Variants in MIA2 observed in about 807,000 individuals in gnomAD.
The protein encoded by MIA2 is MIA SH3 domain ER export factor 2.
Under a neutral mutation model 167.8 loss-of-function variants are expected in MIA2, and 127 were observed. The ratio of observed to expected loss-of-function variants is 0.76; its 90% CI spans 0.66 to 0.88. The LOEUF is 0.88. Ranked by LOEUF, MIA2 falls within the 40% of genes least tolerant of loss-of-function variation. MIA2 has a pLI of 0.00. For missense variants in MIA2, 1,690 were observed against 1,624.7 expected, an observed-to-expected ratio of 1.04 and a Z score of -0.69; for synonymous variants, 552 against 541.9, an observed-to-expected ratio of 1.02 and a Z score of -0.26.
chr14:39,334,846 G>A (rs183656842), intron 25 of MIA2, among the ~76,000 whole-genome samples: 179 of 152,292 alleles, frequency 1.2e-3, no homozygotes, highest in Middle Eastern at 6.8e-3. Flanking sequence ...GTGATTACAG[G>A]TGTGAGCCAC....
intron 19 of MIA2, 23 bp downstream of exon 19, chr14:39,313,464 T>C (rs1449103306): frequency 7.2e-7 from 1 of 1,397,422 alleles, no homozygotes; most frequent in Non-Finnish European, 9.7e-7. Context: ...TTTTTCTGGT[T>C]TCTTTTTTGG....
chr14:39,301,441 T>C (rs1456846687), intron 14 of MIA2, among the ~76,000 whole-genome samples: 1 of 152,172 alleles, frequency 6.6e-6, no homozygotes, highest in African/African-American at 2.4e-5. Flanking sequence ...ATAACAAGAA[T>C]GAGATGCTAA....
At position 39,297,106 on chromosome 14, in the gene MIA2, T is replaced by A. The variant is rs112544551; in HGVS notation, c.2496+2077T>A. Among the ~76,000 whole-genome samples, 267 of 150,110 alleles carry A rather than the reference T, an allele frequency of 1.8e-3. 2 individuals carry two copies. Among genetic ancestry groups the A allele is most frequent in the Admixed American group, 4.9e-3 (73 of 15,004 alleles). Reference sequence around the variant, plus strand: ...GTGGGCTTTTCTATAGGATATATATTTTTTTTGTGACAGAGTCTCACTTTG... The same window carrying A: ...GTGGGCTTTTCTATAGGATATATATATTTTTTGTGACAGAGTCTCACTTTG... On this transcript the variant is annotated intron_variant, in intron 13 of 28. Coordinates refer to ENST00000640607, the MANE Select transcript of MIA2 (RefSeq NM_001329214.4).
intron 9 of MIA2, among the ~76,000 whole-genome samples, chr14:39,288,445 A>ATTT (rs1566746216): frequency 1.8e-4 from 1 of 5,508 alleles, no homozygotes; most frequent in African/African-American, 5.7e-4. Context: ...ATATATATAT[A>ATTT]TATATATATA....
At chr14:39,267,266 TG>T in intron 6 of MIA2, 1 of 1,423,530 alleles carries the variant, frequency 7.0e-7, no homozygotes. Context: ...AGGGTCGGGA[TG>T]GGCAGCGTAG....
intron 4 of MIA2, among the ~76,000 whole-genome samples, chr14:39,250,901 AG>A (rs1403637527): frequency 6.6e-6 from 1 of 152,010 alleles, no homozygotes; most frequent in Admixed American, 6.6e-5. Flanking sequence ...TTATTAACAA[AG>A]TGGGCTATTC....
At chr14:39,270,683 C>G (rs1188320476) in intron 6 of MIA2, among the ~76,000 whole-genome samples, 2 of 152,130 alleles carry the variant, frequency 1.3e-5, no homozygotes, top group Non-Finnish European at 2.9e-5. Context: ...TGTGAGCCAC[C>G]ACACCAGGCC....
chr14:39,354,889 C>T (rs1223528538), downstream of MIA2, among the ~76,000 whole-genome samples: 3 of 152,148 alleles, frequency 2.0e-5, no homozygotes, highest in Non-Finnish European at 4.4e-5. Flanking sequence ...GGCATTATTT[C>T]TGAGGGCTCT....
chr14:39,267,366 G>A, intron 6 of MIA2: 1 of 1,587,406 alleles, frequency 6.3e-7, no homozygotes, highest in Admixed American at 1.9e-5. Context: ...GTGCGGATTC[G>A]GGTTCCGGAC....
intron 25 of MIA2, among the ~76,000 whole-genome samples, chr14:39,331,833 A>C (rs1428368121): frequency 6.6e-6 from 1 of 152,158 alleles, no homozygotes; most frequent in Non-Finnish European, 1.5e-5. Flanking sequence ...TGTTAGTCTG[A>C]TGGGCTTCCC....
chr14:39,239,186 T>G (rs1020531945), intron 2 of MIA2, among the ~76,000 whole-genome samples: 4 of 152,348 alleles, frequency 2.6e-5, no homozygotes, highest in Admixed American at 2.6e-4. Flanking sequence ...TAATAGTCAC[T>G]GGCCAGAATT....
At chr14:39,242,686 C>T (rs2054106013) in intron 3 of MIA2, among the ~76,000 whole-genome samples, 1 of 152,174 alleles carries the variant, frequency 6.6e-6, no homozygotes. Flanking sequence ...GCACCTAGCA[C>T]AGTGCCAGGC....
chr14:39,338,737 A>G (rs1388709760), intron 25 of MIA2, among the ~76,000 whole-genome samples: 1 of 152,224 alleles, frequency 6.6e-6, no homozygotes, highest in Non-Finnish European at 1.5e-5. Flanking sequence ...AAAAAACACA[A>G]AAGTGTTTTC....
chr14:39,237,931 A>C lies in MIA2; in HGVS notation c.249+876A>C, dbSNP rs191711085. Among the ~76,000 whole-genome samples, 3 of 151,500 alleles carry C rather than the reference A, an allele frequency of 2.0e-5. No individual in the cohort carries two copies. The East Asian group carries it at 5.9e-4, about 30-fold the overall frequency. ...CTTTTTGTATTTCTAGTAGAGATGG[A>C]GTTTCACCATGTTGGTCAGGCTGGT... On this transcript the variant is annotated intron_variant, in intron 2 of 28. Coordinates refer to ENST00000640607, the MANE Select transcript of MIA2 (RefSeq NM_001329214.4).
chr14:39,237,316 C>A (rs2053798462), intron 2 of MIA2: 3 of 429,692 alleles, frequency 7.0e-6, no homozygotes, highest in South Asian at 4.1e-5. Context: ...TTGGTAGAGA[C>A]AGCATTTCAC....
intron 23 of MIA2, among the ~76,000 whole-genome samples, chr14:39,358,411 T>G (rs974982740): frequency 1.3e-5 from 2 of 152,220 alleles, no homozygotes; most frequent in Admixed American, 1.3e-4. Flanking sequence ...CATCAGGTCC[T>G]TTAGGGATTT....
intron 3 of MIA2, among the ~76,000 whole-genome samples, chr14:39,244,389 C>A (rs2054196786): frequency 1.3e-5 from 2 of 152,196 alleles, no homozygotes; most frequent in South Asian, 2.1e-4. Flanking sequence ...CCCAACATCC[C>A]CATCTTACAG....
rs1392217466 is a variant in MIA2 at position 39,326,953 on chromosome 14, G to A, written c.3586G>A (p.Ala1196Thr). 1.3e-6 allele frequency: 2 copies of A among 1,589,310 alleles called. No individual in the cohort carries two copies. Among genetic ancestry groups the A allele is most frequent in the Non-Finnish European group, 1.7e-6 (2 of 1,169,398 alleles). The change falls in exon 25 of 29, where the codon GCT becomes ACT. Residue 1196 changes from alanine (A) to threonine (T), a missense_variant. By Grantham distance (58) the Ala-to-Thr change is moderately conservative. Coordinates refer to ENST00000640607, the MANE Select transcript of MIA2 (RefSeq NM_001329214.4). ...TGATAGGTTAACCGATCCTCATAGG[G>A]CTCCCTCTGACACTGGGTCTCTGTC... ...SCDRLTDPHR[A>T]PSDTGSLSPP...
intron 24 of MIA2, among the ~76,000 whole-genome samples, chr14:39,322,296 A>G (rs1428899207): frequency 6.6e-6 from 1 of 152,072 alleles, no homozygotes; most frequent in African/African-American, 2.4e-5. Flanking sequence ...TAATCCCAGT[A>G]TTTTGGGAGG....
Sources: allele counts gnomAD v4.1 joint callset (sites outside exome capture counted in the v4.1 genomes callset), GRCh38; gene constraint gnomAD v4.1.1; transcripts MANE v1.5; gene names NCBI Gene and HGNC (gene_info 2026-07-23, HGNC 2026-07-21).